The following PRELID2 variants were observed in gnomAD, a reference collection of about 807,000 sequenced individuals.
PRELID2 encodes PRELI domain containing 2.
PRELID2 carries 25 observed loss-of-function variants against 28.4 expected under a neutral mutation model. The ratio of observed to expected loss-of-function variants is 0.88; its 90% CI spans 0.64 to 1.23. PRELID2 has a LOEUF of 1.23. Among genes scored for constraint, PRELID2 ranks in the 50% most tolerant of loss-of-function variants. PRELID2 has a pLI of 0.00. For missense variants in PRELID2, 201 were observed against 214.4 expected, an observed-to-expected ratio of 0.94 and a Z score of 0.39; for synonymous variants, 76 against 71.6, an observed-to-expected ratio of 1.06 and a Z score of -0.31.
At chr5:145,553,160 A>AAT in intron 1 of PRELID2, among the ~76,000 whole-genome samples, 1 of 151,412 alleles carries the variant, frequency 6.6e-6, no homozygotes, top group East Asian at 1.9e-4. Flanking sequence ...TTATAATTGA[A>AAT]ATATATACCA....
the PRELID2 span, among the ~76,000 whole-genome samples, chr5:145,386,152 G>A: frequency 2.6e-5 from 4 of 152,120 alleles, no homozygotes; most frequent in East Asian, 1.9e-4. Flanking sequence ...AAGCAAACAC[G>A]TTCTTCTTCA....
At chr5:145,297,831 A>C in the PRELID2 span, among the ~76,000 whole-genome samples, 12 of 152,090 alleles carry the variant, frequency 7.9e-5, no homozygotes, top group East Asian at 2.3e-3. Context: ...AATAACAGAC[A>C]AACAGAGAGC....
At chr5:145,789,344 C>A (rs917262627) in intron 5 of PRELID2, among the ~76,000 whole-genome samples, 6 of 152,172 alleles carry the variant, frequency 3.9e-5, no homozygotes, top group African/African-American at 1.2e-4. Flanking sequence ...AATGAACCTG[C>A]GCATTTACAG....
intron 1 of PRELID2, among the ~76,000 whole-genome samples, chr5:145,601,255 C>A (rs1448764348): frequency 1.3e-5 from 2 of 151,808 alleles, no homozygotes; most frequent in African/African-American, 4.8e-5. Context: ...ATTTTCACAG[C>A]AGATTAGAAA....
intron 1 of PRELID2, among the ~76,000 whole-genome samples, chr5:145,661,373 T>C (rs369659968): frequency 6.6e-6 from 1 of 152,106 alleles, no homozygotes; most frequent in African/African-American, 2.4e-5. Flanking sequence ...CTGTGCGGCA[T>C]TGCATGACCC....
At chr5:145,636,971 C>A (rs181352182) in intron 1 of PRELID2, among the ~76,000 whole-genome samples, 1 of 151,996 alleles carries the variant, frequency 6.6e-6, no homozygotes, top group African/African-American at 2.4e-5. Context: ...ATTCTACCAA[C>A]GGAAAGATGA....
At chr5:145,552,653 A>T (rs1039493914) in intron 1 of PRELID2, among the ~76,000 whole-genome samples, 2 of 152,134 alleles carry the variant, frequency 1.3e-5, no homozygotes, top group African/African-American at 4.8e-5. Flanking sequence ...TCCTTACAAA[A>T]TCAAGTTATT....
At chr5:145,230,100 CCCAAGTA>C in the PRELID2 span, 26 of 620,662 alleles carry the variant, frequency 4.2e-5, no homozygotes, top group African/African-American at 4.0e-4. Context: ...TTGCAGATCC[CCCAAGTA>C]CAGGTGCTAA....
In PRELID2 at chr5:145,827,496, C is replaced by G. The variant is rs562168550; in HGVS notation, c.76-4362G>C. Among the ~76,000 whole-genome samples the G allele has an allele frequency of 2.0e-5, 3 of 152,244 alleles. No individual in the cohort carries two copies. In the East Asian group the frequency reaches 5.8e-4, roughly 29 times the overall value. ...ACTACAACGCTGCCATCTGTGAGGT[C>G]GGGGTGATGAACCACCAGGTGATCA... is the stretch of plus-strand genomic sequence containing the variant. On this transcript the variant is annotated intron_variant, in intron 1 of 6. Coordinates refer to ENST00000683046, the MANE Select transcript of PRELID2 (RefSeq NM_205846.3).
the PRELID2 span, among the ~76,000 whole-genome samples, chr5:145,239,926 G>A: frequency 6.6e-6 from 1 of 151,998 alleles, no homozygotes; most frequent in African/African-American, 2.4e-5. Flanking sequence ...GCCACAATTT[G>A]TGCTAAATTA....
chr5:145,499,790 A>G (rs1752342235), intron 1 of PRELID2, among the ~76,000 whole-genome samples: 1 of 152,232 alleles, frequency 6.6e-6, no homozygotes, highest in Admixed American at 6.5e-5. Context: ...GACAGCAGAG[A>G]AAGATTCCAG....
At chr5:145,826,350 C>G (rs1425990583) in intron 1 of PRELID2, 1 of 218,314 alleles carries the variant, frequency 4.6e-6, no homozygotes, top group Non-Finnish European at 7.8e-6. Flanking sequence ...AGATATCTGC[C>G]AAAAGCCCTT....
At chr5:145,688,672 T>C (rs190962267) in intron 1 of PRELID2, among the ~76,000 whole-genome samples, 1 of 152,320 alleles carries the variant, frequency 6.6e-6, no homozygotes, top group African/African-American at 2.4e-5. Context: ...AAACTGTACA[T>C]TTAATGGCCT....
chr5:145,830,148 T>C (rs1755486794), intron 1 of PRELID2, among the ~76,000 whole-genome samples: 3 of 152,226 alleles, frequency 2.0e-5, no homozygotes, highest in Admixed American at 1.3e-4. Flanking sequence ...AAGGATTTGC[T>C]GAGTACCTAC....
chr5:145,413,967 A>C, the PRELID2 span, among the ~76,000 whole-genome samples: 1 of 152,100 alleles, frequency 6.6e-6, no homozygotes, highest in African/African-American at 2.4e-5. Flanking sequence ...CATCTTAGCT[A>C]TTGTGAATAA....
the PRELID2 span, among the ~76,000 whole-genome samples, chr5:145,343,052 A>C: frequency 6.6e-6 from 1 of 152,000 alleles, no homozygotes; most frequent in Non-Finnish European, 1.5e-5. Context: ...CACTGAATAG[A>C]CTGCAATACA....
the PRELID2 span, among the ~76,000 whole-genome samples, chr5:145,357,170 AT>A: frequency 2.0e-5 from 3 of 151,688 alleles, no homozygotes; most frequent in South Asian, 6.2e-4. Flanking sequence ...TGCCTTTAAC[AT>A]TTTTTTTCCA....
chr5:145,797,985 C>T (rs2149820660), intron 4 of PRELID2, among the ~76,000 whole-genome samples: 1 of 151,472 alleles, frequency 6.6e-6, no homozygotes, highest in South Asian at 2.1e-4. Flanking sequence ...AAATAAAGCG[C>T]AAGAATAAAA....
chr5:145,740,825 CAAAT>C (rs1581122236), intron 1 of PRELID2, among the ~76,000 whole-genome samples: 1 of 71,678 alleles, frequency 1.4e-5, no homozygotes, highest in East Asian at 3.3e-4. Flanking sequence ...TACATATATA[CAAAT>C]ATATATTTAT....
Sources: gnomAD v4.1 joint callset for allele counts (sites outside exome capture counted in the v4.1 genomes callset) on GRCh38, gnomAD v4.1.1 for gene constraint, MANE v1.5 for transcripts, NCBI Gene and HGNC (gene_info 2026-07-23, HGNC 2026-07-21) for gene names.